Variants in LRRC4C observed in about 807,000 individuals in gnomAD.
LRRC4C encodes the protein leucine-rich repeat-containing protein 4C.
Under a neutral mutation model 33.6 loss-of-function variants are expected in LRRC4C, and 5 were observed. The ratio of observed to expected loss-of-function variants is 0.15; its 90% CI spans 0.08 to 0.31. LRRC4C has a LOEUF of 0.31. LRRC4C is among the 10% of genes least tolerant of loss of function. The probability of loss-of-function intolerance (pLI) is 1.00; values close to 1 mark genes in which losing one functional copy is unlikely to be tolerated. For missense variants in LRRC4C, 560 were observed against 796.7 expected, an observed-to-expected ratio of 0.70 and a Z score of 3.58; for synonymous variants, 329 against 302.0, an observed-to-expected ratio of 1.09 and a Z score of -0.93.
At chr11:41,455,676 T>C (rs1046186731) in intron 1 of LRRC4C, among the ~76,000 whole-genome samples, 4 of 152,200 alleles carry the variant, frequency 2.6e-5, no homozygotes, top group Non-Finnish European at 5.9e-5. Context: ...TCATCATTAC[T>C]GTAACACATT....
intron 2 of LRRC4C, among the ~76,000 whole-genome samples, chr11:40,728,338 G>A (rs1321052156): frequency 6.6e-6 from 1 of 151,882 alleles, no homozygotes; most frequent in African/African-American, 2.4e-5. Context: ...GGGCGCAGTG[G>A]CTCAAGCCTG....
chr11:40,447,700 C>T (rs1310923073), intron 3 of LRRC4C, among the ~76,000 whole-genome samples: 1 of 152,188 alleles, frequency 6.6e-6, no homozygotes, highest in Non-Finnish European at 1.5e-5. Context: ...TAAGTGAAGG[C>T]TTCTGCGTGG....
chr11:40,232,867 C>T (rs1000826702), intron 5 of LRRC4C, among the ~76,000 whole-genome samples: 2 of 152,290 alleles, frequency 1.3e-5, no homozygotes, highest in African/African-American at 4.8e-5. Context: ...TTCTCTGCCT[C>T]GATTCTTTCC....
chr11:41,053,707 A>G (rs1350314794), intron 1 of LRRC4C, among the ~76,000 whole-genome samples: 1 of 152,224 alleles, frequency 6.6e-6, no homozygotes, highest in African/African-American at 2.4e-5. Context: ...TGAGTTACTA[A>G]AACCAATTAA....
intron 5 of LRRC4C, among the ~76,000 whole-genome samples, chr11:40,190,127 A>G (rs1051460617): frequency 1.2e-4 from 18 of 152,244 alleles, no homozygotes; most frequent in African/African-American, 4.3e-4. Context: ...CCCCATGAGG[A>G]TGGCAGAGAA....
intron 3 of LRRC4C, among the ~76,000 whole-genome samples, chr11:40,565,032 C>A (rs1055993110): frequency 8.5e-5 from 13 of 152,148 alleles, no homozygotes; most frequent in Admixed American, 2.0e-4. Flanking sequence ...ATCTACCAAC[C>A]AACCAAGACC....
rs529706297 is a variant in LRRC4C at position 40,679,898 on chromosome 11, T to A, written c.-406-31620A>T. On this transcript the variant is annotated intron_variant, in intron 2 of 6. Coordinates refer to ENST00000528697, the MANE Select transcript of LRRC4C (RefSeq NM_001258419.2). Reference sequence around the variant, plus strand: ...AACTGTGAGAAGAGGGCCACCATCCTCCAGACCCCGGAATGGTAGATCCAC... The same window carrying A: ...AACTGTGAGAAGAGGGCCACCATCCACCAGACCCCGGAATGGTAGATCCAC... 1.3e-3 allele frequency among the ~76,000 whole-genome samples: 198 copies of A among 152,164 alleles called. 1 individual carries two copies. Among genetic ancestry groups the A allele is most frequent in the South Asian group, 8.3e-3 (40 of 4,818 alleles).
At position 40,822,672 on chromosome 11, in the gene LRRC4C, T is replaced by A. The variant is rs192750372; in HGVS notation, c.-407+110963A>T. 5.9e-3 allele frequency among the ~76,000 whole-genome samples: 900 copies of A among 151,938 alleles called. 3 individuals are homozygous for A. Among genetic ancestry groups the A allele is most frequent in the Non-Finnish European group, 0.01 (701 of 67,812 alleles). ...TTTTCTTTGCTGTGCAGAAGCTTTT[T>A]AATTTAATAGAATCCCATTTGTCTA... On this transcript the variant is annotated intron_variant, in intron 2 of 6. Coordinates refer to ENST00000528697, the MANE Select transcript of LRRC4C (RefSeq NM_001258419.2).
intron 2 of LRRC4C, among the ~76,000 whole-genome samples, chr11:40,659,873 T>C (rs1943336347): frequency 6.6e-6 from 1 of 152,186 alleles, no homozygotes; most frequent in South Asian, 2.1e-4. Context: ...ACCTCATTCT[T>C]TATGGATGTG....
chr11:41,103,661 G>A (rs1941331829), intron 1 of LRRC4C, among the ~76,000 whole-genome samples: 1 of 151,748 alleles, frequency 6.6e-6, no homozygotes, highest in African/African-American at 2.4e-5. Flanking sequence ...CCTTAAAACA[G>A]CAAAAAATGC....
At chr11:41,021,188 A>T (rs866291059) in intron 1 of LRRC4C, among the ~76,000 whole-genome samples, 8 of 89,126 alleles carry the variant, frequency 9.0e-5, no homozygotes, top group African/African-American at 4.0e-4. Context: ...AGAGAGAGAG[A>T]GAGAGAGAGA....
chr11:40,286,005 C>T (rs972101730), intron 4 of LRRC4C, among the ~76,000 whole-genome samples: 1 of 152,088 alleles, frequency 6.6e-6, no homozygotes. Context: ...CAGTACAGTG[C>T]CTGGTGCATA....
chr11:40,736,767 T>C (rs950652413), intron 2 of LRRC4C, among the ~76,000 whole-genome samples: 4 of 152,198 alleles, frequency 2.6e-5, no homozygotes, highest in Non-Finnish European at 4.4e-5. Context: ...TGACCAATGA[T>C]GATGAGCTGT....
rs984665727 is a variant in LRRC4C, at chr11:40,795,451, A to G, written c.-407+138184T>C. Among the ~76,000 whole-genome samples, 4 of 152,168 alleles carry G rather than the reference A, an allele frequency of 2.6e-5. No individual in the cohort carries two copies. The East Asian group carries it at 7.7e-4, about 29-fold the overall frequency. On this transcript the variant is annotated intron_variant, in intron 2 of 6. Coordinates refer to ENST00000528697, the MANE Select transcript of LRRC4C (RefSeq NM_001258419.2). ...AGACTGAGGCAGGAGAATGGCGTGA[A>G]CCCAGGAGGCGGAGCTTGCAATGAG...
chr11:40,771,346 G>A (rs1949746740), intron 2 of LRRC4C, among the ~76,000 whole-genome samples: 1 of 152,136 alleles, frequency 6.6e-6, no homozygotes, highest in East Asian at 1.9e-4. Flanking sequence ...GGGATACAGG[G>A]CACCATGTCC....
At chr11:41,100,104 AAAAACAAAAC>A (rs935275918) in intron 1 of LRRC4C, among the ~76,000 whole-genome samples, 9 of 152,166 alleles carry the variant, frequency 5.9e-5, no homozygotes, top group South Asian at 2.1e-4. Flanking sequence ...AATTGCTACA[AAAAACAAAAC>A]AAAACAAAAC....
At chr11:40,461,191 G>A (rs1451881733) in intron 3 of LRRC4C, among the ~76,000 whole-genome samples, 1 of 152,100 alleles carries the variant, frequency 6.6e-6, no homozygotes, top group Non-Finnish European at 1.5e-5. Flanking sequence ...ATTATTAGTG[G>A]CAAGGGAAAA....
chr11:40,750,361 A>G (rs1591624180), intron 2 of LRRC4C, among the ~76,000 whole-genome samples: 1 of 152,186 alleles, frequency 6.6e-6, no homozygotes, highest in Non-Finnish European at 1.5e-5. Context: ...CTATGAAGCC[A>G]GCATTACCCT....
intron 2 of LRRC4C, among the ~76,000 whole-genome samples, chr11:40,819,842 C>T (rs1951856354): frequency 6.6e-6 from 1 of 151,908 alleles, no homozygotes; most frequent in African/African-American, 2.4e-5. Flanking sequence ...TATTAACGTA[C>T]TCAAGATACA....
Sources: gnomAD v4.1 joint callset for allele counts (sites outside exome capture counted in the v4.1 genomes callset) on GRCh38, gnomAD v4.1.1 for gene constraint, MANE v1.5 for transcripts, NCBI Gene and HGNC (gene_info 2026-07-23, HGNC 2026-07-21) for gene names.